MYT1L: variants seen among roughly 807,000 people sequenced by gnomAD.
MYT1L encodes the protein myelin transcription factor 1-like protein.
In MYT1L, 12 loss-of-function variants were observed where a neutral mutation model predicts 126.7. That is an observed-to-expected ratio of 0.09 (90% confidence interval 0.06 to 0.15). MYT1L has a LOEUF of 0.15. MYT1L is among the 10% of genes least tolerant of loss of function. The pLI is 1.00. For missense variants in MYT1L, 979 were observed against 1,585.2 expected (o/e 0.62, Z 6.49); for synonymous variants, 541 against 604.2 (o/e 0.90, Z 1.53).
intron 8 of MYT1L, among the ~76,000 whole-genome samples, chr2:1,978,550 T>C (rs2060353272): frequency 6.6e-6 from 1 of 152,152 alleles, no homozygotes; most frequent in African/African-American, 2.4e-5. Context: ...TTCCCCTTAG[T>C]TTCTAAAGGT....
At chr2:1,945,902 C>T (rs899577767) in intron 8 of MYT1L, among the ~76,000 whole-genome samples, 2 of 152,096 alleles carry the variant, frequency 1.3e-5, no homozygotes, top group Non-Finnish European at 2.9e-5. Context: ...ATTGCACTAG[C>T]GAAAGGGAAG....
intron 9 of MYT1L, among the ~76,000 whole-genome samples, chr2:1,934,971 G>A (rs992215557): frequency 6.6e-6 from 1 of 152,170 alleles, no homozygotes; most frequent in African/African-American, 2.4e-5. Flanking sequence ...GGGAAATTGA[G>A]AGGACATCAG....
At chr2:2,237,031 C>T (rs1328753002) in intron 2 of MYT1L, among the ~76,000 whole-genome samples, 1 of 152,104 alleles carries the variant, frequency 6.6e-6, no homozygotes, top group Non-Finnish European at 1.5e-5. Context: ...TCAGGTTGGT[C>T]TCGAACTCCC....
intron 3 of MYT1L, among the ~76,000 whole-genome samples, chr2:2,086,997 G>GA (rs779724161): frequency 1.6e-4 from 24 of 152,162 alleles, no homozygotes; most frequent in Non-Finnish European, 2.8e-4. Context: ...TGTCTTAGGA[G>GA]AAAATATCCC....
At chr2:2,210,685 T>G (rs2093473380) in intron 2 of MYT1L, among the ~76,000 whole-genome samples, 1 of 152,212 alleles carries the variant, frequency 6.6e-6, no homozygotes, top group Non-Finnish European at 1.5e-5. Context: ...TTGTTCTTTT[T>G]GCTTCACAAA....
chr2:2,092,532 G>A (rs749732038), intron 3 of MYT1L, among the ~76,000 whole-genome samples: 9 of 152,210 alleles, frequency 5.9e-5, no homozygotes, highest in African/African-American at 2.2e-4. Context: ...AGCAAGTGCT[G>A]TTGGAAAAAA....
intron 2 of MYT1L, among the ~76,000 whole-genome samples, chr2:2,212,031 G>A (rs2093536157): frequency 6.6e-6 from 1 of 152,066 alleles, no homozygotes; most frequent in African/African-American, 2.4e-5. Flanking sequence ...GGGTTCCAAT[G>A]TCAAGCCTCT....
chr2:1,830,535 G>A (rs991959771), intron 21 of MYT1L, among the ~76,000 whole-genome samples: 1 of 152,032 alleles, frequency 6.6e-6, no homozygotes, highest in Non-Finnish European at 1.5e-5. Context: ...GGGTGTTCTC[G>A]GCACCCGGAA....
chr2:2,016,128 G>T (rs1327163173), intron 4 of MYT1L, among the ~76,000 whole-genome samples: 1 of 152,242 alleles, frequency 6.6e-6, no homozygotes, highest in East Asian at 1.9e-4. Flanking sequence ...GGTGCTAGGA[G>T]CTTTGTCCAC....
intron 9 of MYT1L, among the ~76,000 whole-genome samples, chr2:1,938,930 G>T (rs2056311688): frequency 6.6e-6 from 1 of 152,126 alleles, no homozygotes; most frequent in Non-Finnish European, 1.5e-5. Context: ...AATAATCTGG[G>T]GGTTTGTATA....
intron 18 of MYT1L, 42 bp from the exon 19 acceptor site, chr2:1,851,745 A>G (rs1329470869): frequency 1.9e-6 from 3 of 1,572,942 alleles, no homozygotes; most frequent in African/African-American, 1.4e-5. Context: ...GGAAAGAAAT[A>G]AAGTTCCCTG....
chr2:2,063,266 T>C (rs2070771929), intron 3 of MYT1L, among the ~76,000 whole-genome samples: 1 of 152,228 alleles, frequency 6.6e-6, no homozygotes. Flanking sequence ...GATAACTTCT[T>C]TGTTTCTCTT....
Position 1,987,857 on chromosome 2 carries a change from C to T in MYT1L, c.1-8080G>A, listed in dbSNP as rs541644554. The stretch of plus-strand genomic sequence containing the variant: ...AGACTCAGAATATGGCTCATCAGGA[C>T]GTTCATGGGTCCTGGGTAGATACTG... On this transcript the variant is annotated intron_variant, in intron 5 of 24. Coordinates refer to ENST00000647738, the MANE Select transcript of MYT1L (RefSeq NM_001303052.2). 9.2e-5 allele frequency among the ~76,000 whole-genome samples: 14 copies of T among 152,258 alleles called. No individual in the cohort carries two copies. In the South Asian group the frequency reaches 1.5e-3, roughly 16 times the overall value.
At chr2:2,042,774 T>G (rs1314058119) in intron 4 of MYT1L, among the ~76,000 whole-genome samples, 5 of 152,182 alleles carry the variant, frequency 3.3e-5, no homozygotes, top group African/African-American at 1.2e-4. Flanking sequence ...GCCCTTCGTC[T>G]CTAAGCCTCA....
At chr2:2,047,485 G>T (rs2068331218) in intron 4 of MYT1L, among the ~76,000 whole-genome samples, 2 of 152,284 alleles carry the variant, frequency 1.3e-5, no homozygotes, top group African/African-American at 2.4e-5. Context: ...GGGTACATGA[G>T]AATTCTCCTT....
In MYT1L at chr2:1,809,143, C is replaced by T. The variant is rs376427610; in HGVS notation, c.3105G>A (p.Thr1035=). Residue 1035 remains threonine (T), a synonymous_variant, in exon 22 of 25, where the codon ACG becomes ACA. Coordinates refer to ENST00000647738, the MANE Select transcript of MYT1L (RefSeq NM_001303052.2). ...AAAGCTTTGCCTTCTTCATCGCTGA[C>T]GTGGCTCTCGGGCATCCTGACAAGC... ...HRSLSGCPRA[T]SAMKKAKLSG... is the part of the protein sequence containing the mutation. The T allele has an allele frequency of 2.1e-5, 34 of 1,613,874 alleles. No homozygotes were observed. The highest frequency in any genetic ancestry group is 3.3e-5 in the Admixed American group (2 of 60,006).
intron 2 of MYT1L, among the ~76,000 whole-genome samples, chr2:2,281,726 A>T (rs1331858389): frequency 6.6e-6 from 1 of 152,238 alleles, no homozygotes; most frequent in African/African-American, 2.4e-5. Flanking sequence ...ATTAAAATAC[A>T]TCCATTAAGT....
intron 2 of MYT1L, among the ~76,000 whole-genome samples, chr2:2,259,747 G>GAC (rs746969695): frequency 3.9e-5 from 6 of 152,118 alleles, no homozygotes; most frequent in Non-Finnish European, 8.8e-5. Flanking sequence ...GGGTCATCCC[G>GAC]ACGGCAGATG....
intron 2 of MYT1L, among the ~76,000 whole-genome samples, chr2:2,179,908 T>A (rs2091227123): frequency 6.6e-6 from 1 of 152,212 alleles, no homozygotes; most frequent in Non-Finnish European, 1.5e-5. Flanking sequence ...TCAAATCCCA[T>A]CATTTCTCTA....
Sources: allele counts gnomAD v4.1 joint callset (sites outside exome capture counted in the v4.1 genomes callset), GRCh38; gene constraint gnomAD v4.1.1; transcripts MANE v1.5; gene names NCBI Gene and HGNC (gene_info 2026-07-23, HGNC 2026-07-21).